Variants in RSPO2 observed in about 807,000 individuals in gnomAD.
RSPO2 encodes the protein R-spondin-2.
RSPO2 carries 14 observed loss-of-function variants against 30.9 expected under a neutral mutation model. The ratio of observed to expected loss-of-function variants is 0.45; its 90% confidence interval spans 0.30 to 0.71. The LOEUF is 0.71. Among genes scored for constraint, RSPO2 ranks in the 30% least tolerant of loss-of-function variants. The probability of loss-of-function intolerance (pLI) is 0.08; values close to 1 mark genes in which losing one functional copy is unlikely to be tolerated. For synonymous variants in RSPO2, 107 were observed against 96.4 expected, an observed-to-expected ratio of 1.11 and a Z score of -0.64; for missense variants, 264 against 301.9, an observed-to-expected ratio of 0.87 and a Z score of 0.93.
intron 2 of RSPO2, among the ~76,000 whole-genome samples, chr8:108,058,118 T>C (rs930597806): frequency 7.3e-6 from 1 of 137,732 alleles, no homozygotes; most frequent in Non-Finnish European, 1.5e-5. Context: ...GGGTGTGTCA[T>C]AGATAGCTCT....
At chr8:107,932,824 A>T (rs956373939) in intron 5 of RSPO2, among the ~76,000 whole-genome samples, 3 of 152,126 alleles carry the variant, frequency 2.0e-5, no homozygotes, top group Admixed American at 6.6e-5. Context: ...GAGCAAGGTA[A>T]CCGATCATTA....
chr8:108,011,195 A>G (rs1810698732), intron 2 of RSPO2, among the ~76,000 whole-genome samples: 1 of 150,258 alleles, frequency 6.7e-6, no homozygotes, highest in South Asian at 2.1e-4. Context: ...AAGGAAAGGG[A>G]AAAGGAAAAG....
At chr8:107,942,511 C>T (rs1812932955) in intron 5 of RSPO2, among the ~76,000 whole-genome samples, 1 of 152,156 alleles carries the variant, frequency 6.6e-6, no homozygotes, top group African/African-American at 2.4e-5. Context: ...TCTTATAGCA[C>T]TGACTTTGTA....
chr8:107,914,243 A>C (rs1241199817), intron 5 of RSPO2, among the ~76,000 whole-genome samples: 1 of 152,112 alleles, frequency 6.6e-6, no homozygotes, highest in Non-Finnish European at 1.5e-5. Context: ...CTTTGAGTTG[A>C]AGTCTATGCC....
rs757918235 is a variant in RSPO2, at chr8:107,900,447, A to C, written c.*628T>G. 6.6e-6 allele frequency: 1 copy of C among 152,616 alleles called. No homozygotes were observed. The highest frequency in any genetic ancestry group is 1.5e-5 in the Non-Finnish European group (1 of 68,038). 9.5% of individuals were successfully genotyped at this position (152,616 alleles called of 1,614,324 possible). ...GAACCACTAGAAACAAAGTGGCATC[A>C]TATTAATCAGGTATGACTTGTTACC... On this transcript the variant is annotated 3_prime_UTR_variant, in exon 6 of 6. Coordinates refer to ENST00000276659, the MANE Select transcript of RSPO2 (RefSeq NM_178565.5).
chr8:108,083,055 G>A (rs1003201436), intron 1 of RSPO2, 142 bp downstream of exon 1: 3 of 170,604 alleles, frequency 1.8e-5, no homozygotes, highest in Admixed American at 6.1e-5. Flanking sequence ...GGCATAATGC[G>A]TTGTGCCGGC....
At chr8:107,907,241 C>T (rs1183147535) in intron 5 of RSPO2, among the ~76,000 whole-genome samples, 1 of 151,820 alleles carries the variant, frequency 6.6e-6, no homozygotes, top group Non-Finnish European at 1.5e-5. Context: ...TTACTGACAG[C>T]ACAAAGTGTT....
chr8:107,902,366 A>G (rs1049127932), intron 5 of RSPO2, among the ~76,000 whole-genome samples: 2 of 152,186 alleles, frequency 1.3e-5, no homozygotes, highest in Non-Finnish European at 2.9e-5. Flanking sequence ...TTGACAGCAC[A>G]GTAATCAGTA....
At chr8:108,053,524 A>C (rs1257723759) in intron 2 of RSPO2, among the ~76,000 whole-genome samples, 1 of 152,198 alleles carries the variant, frequency 6.6e-6, no homozygotes, top group African/African-American at 2.4e-5. Flanking sequence ...TGAAAAAGCC[A>C]ATGATTTACA....
intron 5 of RSPO2, among the ~76,000 whole-genome samples, chr8:107,950,053 G>A (rs542991842): frequency 6.6e-6 from 1 of 152,308 alleles, no homozygotes; most frequent in East Asian, 1.9e-4. Flanking sequence ...GTCTAATACT[G>A]CAGAAATGTG....
intron 5 of RSPO2, among the ~76,000 whole-genome samples, chr8:107,938,498 C>T (rs1812789617): frequency 6.6e-6 from 1 of 151,956 alleles, no homozygotes; most frequent in South Asian, 2.1e-4. Context: ...TAAATAAATA[C>T]AATAAAACAG....
At chr8:108,040,701 T>A (rs1021532777) in intron 2 of RSPO2, among the ~76,000 whole-genome samples, 2 of 152,144 alleles carry the variant, frequency 1.3e-5, no homozygotes, top group Non-Finnish European at 2.9e-5. Context: ...GGAAGGGGGC[T>A]GACAAATACA....
At chr8:108,066,479 C>T (rs73309347) in intron 2 of RSPO2, among the ~76,000 whole-genome samples, 7,850 of 151,950 alleles carry the variant, frequency 0.052, 630 homozygotes, top group African/African-American at 0.17. Flanking sequence ...TTTACTACTG[C>T]TGTTGCAGTA....
In RSPO2 at chr8:108,075,503, C is replaced by T. The variant is rs375380808; in HGVS notation, c.94+7042G>A. ...CTCAAAAAAAAAAAAAAGGGTTACC[C>T]CACTACCACCAGTTTTCCCTACCAT... On this transcript the variant is annotated intron_variant, in intron 2 of 5. Transcript: ENST00000276659. Among the ~76,000 whole-genome samples the T allele has an allele frequency of 3.0e-4, 45 of 151,730 alleles. No individual in the cohort carries two copies. The East Asian group carries it at 7.4e-3, about 25-fold the overall frequency.
chr8:107,928,359 C>T (rs893999437), intron 5 of RSPO2, among the ~76,000 whole-genome samples: 1 of 152,200 alleles, frequency 6.6e-6, no homozygotes, highest in African/African-American at 2.4e-5. Context: ...TAAACACATA[C>T]TGCCTATTCT....
chr8:108,016,082 G>A (rs1048475649), intron 2 of RSPO2, among the ~76,000 whole-genome samples: 1 of 152,178 alleles, frequency 6.6e-6, no homozygotes, highest in Non-Finnish European at 1.5e-5. Flanking sequence ...CACGTCCTGA[G>A]GTTGAAAGCT....
intron 2 of RSPO2, among the ~76,000 whole-genome samples, chr8:108,062,681 T>A (rs1407100771): frequency 1.3e-5 from 2 of 151,874 alleles, no homozygotes; most frequent in African/African-American, 4.9e-5. Flanking sequence ...TAACTCATTT[T>A]ATGAGGCCAG....
In RSPO2 at chr8:107,899,884, A is replaced by G. The variant is rs2130229837; in HGVS notation, c.*1191T>C. On this transcript the variant is annotated 3_prime_UTR_variant, in exon 6 of 6. Coordinates refer to ENST00000276659, the MANE Select transcript of RSPO2 (RefSeq NM_178565.5). The stretch of plus-strand genomic sequence containing the variant: ...ATTCTGGCTCAACAGAAACCTGTTA[A>G]GATCTGACTGGCAGTCACAGAAATT... 6.6e-6 allele frequency: 1 copy of G among 152,362 alleles called. No individual in the cohort carries two copies. Among genetic ancestry groups the G allele is most frequent in the African/African-American group, 2.4e-5 (1 of 41,596 alleles). 9.4% of individuals were successfully genotyped at this position (152,362 alleles called of 1,614,324 possible).
At chr8:108,070,211 C>G (rs1464437296) in intron 2 of RSPO2, among the ~76,000 whole-genome samples, 1 of 151,372 alleles carries the variant, frequency 6.6e-6, no homozygotes, top group Non-Finnish European at 1.5e-5. Flanking sequence ...GTCATCTCAG[C>G]TACTCAGGAA....
Sources: gnomAD v4.1 joint callset for allele counts (sites outside exome capture counted in the v4.1 genomes callset) on GRCh38, gnomAD v4.1.1 for gene constraint, MANE v1.5 for transcripts, NCBI Gene and HGNC (gene_info 2026-07-23, HGNC 2026-07-21) for gene names.